The following EHMT1 variants were observed in gnomAD, a reference collection of about 807,000 sequenced individuals.
The protein encoded by EHMT1 is euchromatic histone lysine methyltransferase 1.
Under a neutral mutation model 147.2 loss-of-function variants are expected in EHMT1, and 15 were observed. The ratio of observed to expected loss-of-function variants is 0.10; its 90% confidence interval spans 0.07 to 0.16. The LOEUF is 0.16. Ranked by LOEUF, EHMT1 falls within the 10% of genes least tolerant of loss-of-function variation. The probability of loss-of-function intolerance (pLI) is 1.00; values close to 1 mark genes in which losing one functional copy is unlikely to be tolerated. For missense variants in EHMT1, 1,587 were observed against 1,772.4 expected (o/e 0.90, Z 1.88); for synonymous variants, 795 against 709.6 (o/e 1.12, Z -1.91).
intron 1 of EHMT1, chr9:137,637,538 G>A (rs2353770): frequency 0.43 from 64,689 of 152,062 alleles, 16,088 homozygotes; most frequent in African/African-American, 0.69. Flanking sequence ...CTGGAGTGCA[G>A]TGGTGCCATC....
chr9:137,736,558 A>G (rs1445995190), intron 4 of EHMT1, among the ~76,000 whole-genome samples: 1 of 152,260 alleles, frequency 6.6e-6, no homozygotes, highest in Non-Finnish European at 1.5e-5. Flanking sequence ...GATCGACCAT[A>G]TGTTAGGCCA....
chr9:137,717,862 G>A (rs1439626536), intron 3 of EHMT1, among the ~76,000 whole-genome samples: 1 of 152,202 alleles, frequency 6.6e-6, no homozygotes, highest in Non-Finnish European at 1.5e-5. Flanking sequence ...AATGAACTTG[G>A]TTAGGGCCAG....
At chr9:137,721,054 C>T (rs1564637404) in intron 3 of EHMT1, among the ~76,000 whole-genome samples, 1 of 152,000 alleles carries the variant, frequency 6.6e-6, no homozygotes, top group Non-Finnish European at 1.5e-5. Flanking sequence ...TTTTATTTAG[C>T]GCTTCTGTTG....
rs879060411 is a variant in EHMT1 at position 137,834,585 on chromosome 9, GC to G, written c.3716+62del. 834 of 1,603,728 alleles carry G rather than the reference GC, an allele frequency of 5.2e-4. 27 individuals are homozygous for G. The South Asian group carries it at 7.6e-3, about 15-fold the overall frequency. The stretch of plus-strand genomic sequence containing the variant: ...CCGGCGGGACGGTTTTAGGAACGGG[GC>G]TCGCATTGCTTTCCTGGGCTTGTCT... On this transcript the variant is annotated intron_variant, in intron 26 of 26. Transcript: ENST00000460843.
intron 25 of EHMT1, among the ~76,000 whole-genome samples, chr9:137,822,636 T>C (rs1471294451): frequency 1.3e-5 from 2 of 152,266 alleles, no homozygotes; most frequent in Admixed American, 6.5e-5. Context: ...GGCTCACGCC[T>C]GTAATCCCAG....
At chr9:137,826,527 C>T (rs1170130839) in intron 25 of EHMT1, among the ~76,000 whole-genome samples, 1 of 152,204 alleles carries the variant, frequency 6.6e-6, no homozygotes, top group Non-Finnish European at 1.5e-5. Context: ...ATAGACTGCA[C>T]AACAGACTGG....
intron 1 of EHMT1, among the ~76,000 whole-genome samples, chr9:137,704,748 G>A (rs1944106966): frequency 6.6e-6 from 1 of 150,494 alleles, no homozygotes; most frequent in South Asian, 2.1e-4. Flanking sequence ...GCTCTGGGAG[G>A]GAATTTCCCT....
chr9:137,660,927 C>T (rs1031386534), intron 1 of EHMT1, among the ~76,000 whole-genome samples: 2 of 152,166 alleles, frequency 1.3e-5, no homozygotes, highest in Admixed American at 1.3e-4. Flanking sequence ...TTGCTAAGCT[C>T]TACTATTATT....
At chr9:137,729,250 A>G (rs1946888954) in intron 4 of EHMT1, among the ~76,000 whole-genome samples, 1 of 152,124 alleles carries the variant, frequency 6.6e-6, no homozygotes, top group Admixed American at 6.5e-5. Flanking sequence ...TCACTTGGGG[A>G]TGATCACCTG....
chr9:137,746,958 C>T (rs755148930), intron 6 of EHMT1: 1 of 152,054 alleles, frequency 6.6e-6, no homozygotes, highest in Non-Finnish European at 1.5e-5. Flanking sequence ...AAAAGCAAAG[C>T]CAAGAAGAAA....
chr9:137,761,033 C>T (rs1047536399), intron 9 of EHMT1, among the ~76,000 whole-genome samples: 10 of 152,166 alleles, frequency 6.6e-5, no homozygotes, highest in African/African-American at 2.4e-4. Context: ...TGCACTAAGG[C>T]ACAGTGCAGC....
At chr9:137,660,564 A>G (rs1173367433) in intron 1 of EHMT1, among the ~76,000 whole-genome samples, 1 of 152,166 alleles carries the variant, frequency 6.6e-6, no homozygotes, top group East Asian at 1.9e-4. Context: ...CTTCAATATT[A>G]ACTCTAGAAT....
At position 137,716,770 on chromosome 9, in the gene EHMT1, C is replaced by T. The variant is rs762442350; in HGVS notation, c.230C>T (p.Ala77Val). The change falls in exon 3 of 27, where the codon GCA becomes GTA. Residue 77 changes from alanine (A) to valine (V), a missense_variant. Physicochemically the swap from Ala to Val is moderately conservative, Grantham distance 64 (BLOSUM62 0). Around this residue, in one of 7 missense-constraint regions of EHMT1, gnomAD observed 810 missense variants for 673.0 expected, o/e 1.20. Coordinates refer to ENST00000460843, the MANE Select transcript of EHMT1 (RefSeq NM_024757.5). ...ANAAKHTQDS[A>V]RVNPQDGTNT... is the part of the protein sequence containing the mutation. ...GCTGCAAAGCACACTCAGGACAGCG[C>T]AAGGGTCAACCCCCAGGATGGCACC... 22 of 1,613,128 alleles carry T rather than the reference C, an allele frequency of 1.4e-5. No homozygotes were observed. Among genetic ancestry groups the T allele is most frequent in the Non-Finnish European group, 1.9e-5 (22 of 1,179,812 alleles).
At chr9:137,780,392 T>C (rs112169878) in intron 14 of EHMT1, among the ~76,000 whole-genome samples, 2 of 96,534 alleles carry the variant, frequency 2.1e-5, no homozygotes, top group Admixed American at 1.3e-4. Flanking sequence ...GACGCTGGGA[T>C]GTGTGGTGAT....
Position 137,773,035 on chromosome 9 carries a change from G to A in EHMT1, c.1648-2074G>A, listed in dbSNP as rs1279597194. On this transcript the variant is annotated intron_variant, in intron 10 of 26. Coordinates refer to ENST00000460843, the MANE Select transcript of EHMT1 (RefSeq NM_024757.5). ...AGAGCCAGAATCATACAGCATTATC[G>A]TTTTTATGATTGTAAAAATAATGCA... 3.9e-5 allele frequency among the ~76,000 whole-genome samples: 6 copies of A among 152,034 alleles called. No individual in the cohort carries two copies. The South Asian group carries it at 6.2e-4, about 16-fold the overall frequency.
intron 1 of EHMT1, among the ~76,000 whole-genome samples, chr9:137,698,027 A>T (rs1447325515): frequency 6.8e-6 from 1 of 146,478 alleles, no homozygotes; most frequent in Non-Finnish European, 1.5e-5. Context: ...CGGAGGCCTC[A>T]ATCCCCACTG....
intron 25 of EHMT1, among the ~76,000 whole-genome samples, chr9:137,831,578 C>T (rs1956190311): frequency 6.6e-6 from 1 of 152,228 alleles, no homozygotes; most frequent in Non-Finnish European, 1.5e-5. Flanking sequence ...TTCTGTTTCT[C>T]CGCTGAGACT....
intron 1 of EHMT1, among the ~76,000 whole-genome samples, chr9:137,668,665 T>C (rs1939988301): frequency 6.6e-6 from 1 of 152,096 alleles, no homozygotes; most frequent in South Asian, 2.1e-4. Flanking sequence ...TCTGCTTTCC[T>C]TCCCTGTCGA....
intron 1 of EHMT1, among the ~76,000 whole-genome samples, chr9:137,677,273 A>G (rs1441673200): frequency 6.6e-6 from 1 of 151,902 alleles, no homozygotes. Flanking sequence ...AGCTGGGATT[A>G]CAGCGTGTGG....
Sources: allele counts gnomAD v4.1 joint callset (sites outside exome capture counted in the v4.1 genomes callset), GRCh38; gene constraint gnomAD v4.1.1; regional missense constraint gnomAD v4.1.1; transcripts MANE v1.5; gene names NCBI Gene and HGNC (gene_info 2026-07-23, HGNC 2026-07-21).